The following DGKI variants were observed in gnomAD, a reference collection of about 807,000 sequenced individuals.
The protein encoded by DGKI is diacylglycerol kinase iota.
In DGKI, 55 loss-of-function variants were observed where a neutral mutation model predicts 147.5. The observed-to-expected ratio is 0.37, with a 90% CI of 0.30 to 0.47. DGKI has a LOEUF of 0.47. DGKI is among the 20% of genes least tolerant of loss of function. The probability of loss-of-function intolerance (pLI) is 1.00; values close to 1 mark genes in which losing one functional copy is unlikely to be tolerated. For synonymous variants in DGKI, 469 were observed against 477.1 expected (o/e 0.98, Z 0.22); for missense variants, 1,007 against 1,323.8 (o/e 0.76, Z 3.71).
chr7:137,755,796 C>CAA (rs534193620), intron 1 of DGKI, among the ~76,000 whole-genome samples: 1 of 148,360 alleles, frequency 6.7e-6, no homozygotes, highest in African/African-American at 2.5e-5. Context: ...ACTGCAATTG[C>CAA]AAAAAAAAAT....
At chr7:137,762,103 C>G (rs796894485) in intron 1 of DGKI, among the ~76,000 whole-genome samples, 6 of 152,164 alleles carry the variant, frequency 3.9e-5, no homozygotes, top group African/African-American at 1.4e-4. Flanking sequence ...GTATTTACCC[C>G]TCTCAAATCA....
chr7:137,768,160 A>T (rs1036296938), intron 1 of DGKI, among the ~76,000 whole-genome samples: 1 of 152,258 alleles, frequency 6.6e-6, no homozygotes, highest in Admixed American at 6.5e-5. Context: ...TCTCATAGAA[A>T]GATGATGGTA....
Position 137,670,617 on chromosome 7 carries a change from G to A in DGKI, c.606+7940C>T, listed in dbSNP as rs566493981. On this transcript the variant is annotated intron_variant, in intron 3 of 32. Transcript: ENST00000614521. ...CTGTGAAAATTCTTTTCTTATTTTT[G>A]TTGATGGCCACACTTTCCATGAGTC... Among the ~76,000 whole-genome samples the A allele has an allele frequency of 2.0e-3, 304 of 152,276 alleles. 11 individuals carry two copies. The highest frequency in any genetic ancestry group is 0.02 in the Admixed American group (299 of 15,302).
intron 20 of DGKI, among the ~76,000 whole-genome samples, chr7:137,550,671 G>T (rs1169935672): frequency 6.6e-6 from 1 of 152,106 alleles, no homozygotes; most frequent in Non-Finnish European, 1.5e-5. Context: ...TCAACACAAA[G>T]GTAAAAGCTG....
chr7:137,439,556 C>G (rs1813413700), intron 28 of DGKI, among the ~76,000 whole-genome samples: 1 of 152,150 alleles, frequency 6.6e-6, no homozygotes, highest in African/African-American at 2.4e-5. Context: ...CTCCATGATT[C>G]AATTATCTCT....
intron 8 of DGKI, among the ~76,000 whole-genome samples, chr7:137,614,681 C>T (rs1009573480): frequency 1.3e-5 from 2 of 152,078 alleles, no homozygotes; most frequent in Non-Finnish European, 2.9e-5. Context: ...GCAAATTACC[C>T]AAGCAGCCCT....
At chr7:137,745,665 TA>T (rs1795303213) in intron 1 of DGKI, among the ~76,000 whole-genome samples, 1 of 152,148 alleles carries the variant, frequency 6.6e-6, no homozygotes, top group African/African-American at 2.4e-5. Context: ...TTGTTTTACT[TA>T]ATAATGGTTC....
At chr7:137,683,260 T>G (rs111595208) in intron 2 of DGKI, among the ~76,000 whole-genome samples, 312 of 152,126 alleles carry the variant, frequency 2.1e-3, no homozygotes, top group African/African-American at 7.2e-3. Flanking sequence ...TGTTTCCCTA[T>G]TTATAAAATA....
At chr7:137,754,079 T>A (rs1254320941) in intron 1 of DGKI, among the ~76,000 whole-genome samples, 2 of 151,542 alleles carry the variant, frequency 1.3e-5, no homozygotes, top group Non-Finnish European at 2.9e-5. Context: ...CCAAGAGGGG[T>A]CATGGGGGGT....
intron 1 of DGKI, among the ~76,000 whole-genome samples, chr7:137,827,732 T>C (rs749208901): frequency 6.6e-6 from 1 of 152,236 alleles, no homozygotes; most frequent in Admixed American, 6.5e-5. Context: ...AGCTCACTTA[T>C]GTGTGGAATT....
intron 1 of DGKI, among the ~76,000 whole-genome samples, chr7:137,728,166 T>G (rs1168300320): frequency 6.6e-6 from 1 of 152,134 alleles, no homozygotes. Flanking sequence ...AAAATGGTAA[T>G]TTTGGAGGAA....
chr7:137,609,262 T>C (rs977092733), intron 9 of DGKI, among the ~76,000 whole-genome samples, 198 bp from the exon 10 acceptor site: 1 of 152,210 alleles, frequency 6.6e-6, no homozygotes, highest in African/African-American at 2.4e-5. Context: ...CTTTTTATTT[T>C]ACTCTGTAAA....
chr7:137,763,441 C>T (rs1454907010), intron 1 of DGKI, among the ~76,000 whole-genome samples: 2 of 152,202 alleles, frequency 1.3e-5, no homozygotes, highest in African/African-American at 2.4e-5. Flanking sequence ...GCTGCTTTGG[C>T]TTAACATTCT....
chr7:137,534,103 T>A (rs1012891391), intron 20 of DGKI, among the ~76,000 whole-genome samples: 2 of 152,170 alleles, frequency 1.3e-5, no homozygotes, highest in Non-Finnish European at 2.9e-5. Context: ...GAAACGCACC[T>A]CACACTTCAT....
At chr7:137,835,674 T>G (rs1037853220) in intron 1 of DGKI, among the ~76,000 whole-genome samples, 1 of 152,140 alleles carries the variant, frequency 6.6e-6, no homozygotes, top group Non-Finnish European at 1.5e-5. Context: ...GCAATGACAA[T>G]GGCAATGAGG....
intron 1 of DGKI, among the ~76,000 whole-genome samples, chr7:137,700,550 G>A (rs758239709): frequency 6.6e-6 from 1 of 152,078 alleles, no homozygotes; most frequent in Non-Finnish European, 1.5e-5. Context: ...TACCAACCTG[G>A]CTCTCAGCTA....
chr7:137,737,407 C>T (rs11769675), intron 1 of DGKI, among the ~76,000 whole-genome samples: 182 of 151,852 alleles, frequency 1.2e-3, no homozygotes, highest in Non-Finnish European at 2.1e-3. Context: ...CAAATCTGTT[C>T]CATGCATTTA....
At chr7:137,613,315 G>A (rs1820429375) in intron 8 of DGKI, among the ~76,000 whole-genome samples, 1 of 152,074 alleles carries the variant, frequency 6.6e-6, no homozygotes, top group Admixed American at 6.6e-5. Flanking sequence ...TTCTTACTCT[G>A]CTGGGCTCCC....
At chr7:137,817,739 A>G (rs1797780603) in intron 1 of DGKI, among the ~76,000 whole-genome samples, 1 of 152,264 alleles carries the variant, frequency 6.6e-6, no homozygotes, top group African/African-American at 2.4e-5. Context: ...CAATGATAAG[A>G]GTCCTATGAA....
Sources: allele counts gnomAD v4.1 joint callset (sites outside exome capture counted in the v4.1 genomes callset), GRCh38; gene constraint gnomAD v4.1.1; transcripts MANE v1.5; gene names NCBI Gene and HGNC (gene_info 2026-07-23, HGNC 2026-07-21).